Variants in RBPMS observed in about 807,000 individuals in gnomAD.
RBPMS encodes RNA binding protein, mRNA processing factor.
RBPMS carries 7 observed loss-of-function variants against 26.8 expected under a neutral mutation model. That is an observed-to-expected ratio of 0.26 (90% CI 0.15 to 0.49). The LOEUF (loss-of-function observed/expected upper bound fraction) is 0.49. Among genes scored for constraint, RBPMS ranks in the 20% least tolerant of loss-of-function variants. The probability of loss-of-function intolerance (pLI) is 0.98; values close to 1 mark genes in which losing one functional copy is unlikely to be tolerated. For synonymous variants in RBPMS, 96 were observed against 93.3 expected, an observed-to-expected ratio of 1.03 and a Z score of -0.17; for missense variants, 186 against 250.0, an observed-to-expected ratio of 0.74 and a Z score of 1.73.
chr8:30,549,433 C>T, intron 6 of RBPMS: 1 of 1,382,434 alleles, frequency 7.2e-7, no homozygotes, highest in Non-Finnish European at 1.0e-6. Flanking sequence ...CCAAGGCCTT[C>T]CATTGTTTTC....
intron 4 of RBPMS, among the ~76,000 whole-genome samples, chr8:30,487,967 C>T (rs1206456130): frequency 6.6e-6 from 1 of 151,628 alleles, no homozygotes; most frequent in East Asian, 1.9e-4. Context: ...GGCCATTGTG[C>T]GGCAAGTTAA....
At chr8:30,424,856 T>C (rs1006352322) in intron 1 of RBPMS, among the ~76,000 whole-genome samples, 13 of 152,208 alleles carry the variant, frequency 8.5e-5, no homozygotes, top group Non-Finnish European at 2.9e-5. Context: ...TTCCAAGTTT[T>C]TTGACACTCT....
intron 4 of RBPMS, among the ~76,000 whole-genome samples, chr8:30,496,463 C>T (rs1322734844): frequency 1.3e-5 from 2 of 152,132 alleles, no homozygotes; most frequent in Non-Finnish European, 2.9e-5. Context: ...CCACCGTGCC[C>T]GGCCACCCTC....
intron 1 of RBPMS, among the ~76,000 whole-genome samples, chr8:30,460,151 A>C (rs1010095322): frequency 1.3e-5 from 2 of 152,236 alleles, no homozygotes; most frequent in Non-Finnish European, 2.9e-5. Context: ...GCCTAAATGT[A>C]CTGAATGTAT....
chr8:30,557,112 T>C (rs1826998088), intron 6 of RBPMS, among the ~76,000 whole-genome samples: 1 of 151,782 alleles, frequency 6.6e-6, no homozygotes, highest in Admixed American at 6.5e-5. Context: ...GACCCTGCTC[T>C]AGCTGGTCAT....
At chr8:30,537,672 A>G (rs1824937763) in intron 5 of RBPMS, 1 of 455,980 alleles carries the variant, frequency 2.2e-6, no homozygotes, top group Admixed American at 2.3e-5. Flanking sequence ...TGGCTCTGTG[A>G]GAGTCGTTGG....
At chr8:30,495,344 C>A (rs1213067698) in intron 4 of RBPMS, among the ~76,000 whole-genome samples, 1 of 150,868 alleles carries the variant, frequency 6.6e-6, no homozygotes, top group African/African-American at 2.4e-5. Flanking sequence ...TATGTGGTAA[C>A]CTAACACTTC....
rs1284592085 is a variant in RBPMS at position 30,481,569 on chromosome 8, C to T, written c.246+2192C>T. Among the ~76,000 whole-genome samples the T allele has an allele frequency of 7.3e-5, 11 of 151,672 alleles. No individual in the cohort carries two copies. The East Asian group carries it at 1.7e-3, about 24-fold the overall frequency. ...TTCTTTTTTTTTTTCACTGGCAGTA[C>T]GCCTTTCTTTAGCACTGTCCTCTCC... is the stretch of plus-strand genomic sequence containing the variant. On this transcript the variant is annotated intron_variant, in intron 4 of 8. Coordinates refer to ENST00000397323, the MANE Select transcript of RBPMS (RefSeq NM_001008710.3).
chr8:30,522,357 A>G (rs1263741111), intron 5 of RBPMS, among the ~76,000 whole-genome samples: 2 of 151,722 alleles, frequency 1.3e-5, no homozygotes, highest in African/African-American at 4.8e-5. Flanking sequence ...ACAACAAACC[A>G]TGTGGCTGGG....
chr8:30,393,798 C>A (rs1808073067), intron 1 of RBPMS, among the ~76,000 whole-genome samples: 1 of 151,918 alleles, frequency 6.6e-6, no homozygotes, highest in African/African-American at 2.4e-5. Flanking sequence ...GGATTACAGG[C>A]ATGAGCCACC....
chr8:30,551,826 G>A (rs866287212), intron 6 of RBPMS, among the ~76,000 whole-genome samples: 3 of 152,172 alleles, frequency 2.0e-5, no homozygotes, highest in South Asian at 4.1e-4. Context: ...TGGGATCCTA[G>A]GCAAGTTGGT....
At chr8:30,496,992 A>G (rs1475844725) in intron 4 of RBPMS, among the ~76,000 whole-genome samples, 1 of 152,236 alleles carries the variant, frequency 6.6e-6, no homozygotes, top group Admixed American at 6.5e-5. Flanking sequence ...AAAGCTGACA[A>G]TACTCAAAAA....
At chr8:30,464,855 T>A (rs1472792893) in intron 1 of RBPMS, among the ~76,000 whole-genome samples, 1 of 152,230 alleles carries the variant, frequency 6.6e-6, no homozygotes, top group Non-Finnish European at 1.5e-5. Flanking sequence ...ATTGTGGTGA[T>A]CATTTTGACA....
At chr8:30,491,347 T>C (rs1819365400) in intron 4 of RBPMS, among the ~76,000 whole-genome samples, 1 of 152,156 alleles carries the variant, frequency 6.6e-6, no homozygotes, top group Admixed American at 6.6e-5. Flanking sequence ...ATCAAGATAG[T>C]GATTATCTTT....
At chr8:30,499,602 CAA>C (rs879295588) in intron 4 of RBPMS, among the ~76,000 whole-genome samples, 1 of 142,430 alleles carries the variant, frequency 7.0e-6, no homozygotes, top group African/African-American at 2.6e-5. Flanking sequence ...GAATCTAAAC[CAA>C]AAAAAAAAAA....
chr8:30,437,623 G>A (rs1291203127), intron 1 of RBPMS, among the ~76,000 whole-genome samples: 3 of 151,892 alleles, frequency 2.0e-5, no homozygotes, highest in Admixed American at 6.6e-5. Flanking sequence ...AAACCCTGTC[G>A]CTACTAAAAA....
intron 4 of RBPMS, among the ~76,000 whole-genome samples, chr8:30,480,994 T>C (rs1049816594): frequency 2.5e-4 from 38 of 152,254 alleles, no homozygotes; most frequent in Non-Finnish European, 4.7e-4. Context: ...ATACTTCTCC[T>C]ATGTGTATAA....
chr8:30,409,323 A>G (rs953735721), intron 1 of RBPMS, among the ~76,000 whole-genome samples: 2 of 151,706 alleles, frequency 1.3e-5, no homozygotes, highest in African/African-American at 4.8e-5. Flanking sequence ...CCTCCCAAGT[A>G]GCTGGGATTA....
rs945092971 is a variant in RBPMS at position 30,571,772 on chromosome 8, T to C, written c.*1247T>C. 6 of 152,306 alleles carry C rather than the reference T, an allele frequency of 3.9e-5. No individual in the cohort carries two copies. Among genetic ancestry groups the C allele is most frequent in the Non-Finnish European group, 8.8e-5 (6 of 68,062 alleles). 9.4% of individuals were successfully genotyped at this position (152,306 alleles called of 1,614,324 possible). On this transcript the variant is annotated 3_prime_UTR_variant, in exon 9 of 9. Transcript: ENST00000397323. ...GCCAAAGTCAGTCTGGTGTTGTCAG[T>C]TGACACATCTCCAGAGTTCATGACA...
Sources: gnomAD v4.1 joint callset for allele counts (sites outside exome capture counted in the v4.1 genomes callset) on GRCh38, gnomAD v4.1.1 for gene constraint, MANE v1.5 for transcripts, NCBI Gene and HGNC (gene_info 2026-07-23, HGNC 2026-07-21) for gene names.